INVS: variants seen among roughly 807,000 people sequenced by gnomAD.
INVS encodes inversion of embryo turning homolog.
Under a neutral mutation model 108.8 loss-of-function variants are expected in INVS, and 86 were observed. The observed-to-expected ratio is 0.79, with a 90% CI of 0.66 to 0.95. The LOEUF (loss-of-function observed/expected upper bound fraction) is 0.95, where lower values mean the gene tolerates loss of function less well. INVS is among the 40% of genes least tolerant of loss of function. The pLI is 0.00. For synonymous variants in INVS, 455 were observed against 473.5 expected, an observed-to-expected ratio of 0.96 and a Z score of 0.51; for missense variants, 1,169 against 1,297.4, an observed-to-expected ratio of 0.90 and a Z score of 1.52.
intron 3 of INVS, among the ~76,000 whole-genome samples, chr9:100,161,373 A>AC (rs1829175995): frequency 6.8e-6 from 1 of 146,162 alleles, no homozygotes; most frequent in African/African-American, 2.7e-5. Context: ...TCAAAAAAAA[A>AC]AAAAAAAAAA....
chr9:100,258,229 C>G (rs949185299), intron 10 of INVS, among the ~76,000 whole-genome samples: 3 of 152,104 alleles, frequency 2.0e-5, no homozygotes, highest in Non-Finnish European at 2.9e-5. Context: ...TCATGTAGTT[C>G]TTGTGCCATG....
At chr9:100,208,835 G>A (rs1481976286) in intron 3 of INVS, among the ~76,000 whole-genome samples, 2 of 152,174 alleles carry the variant, frequency 1.3e-5, no homozygotes, top group African/African-American at 4.8e-5. Flanking sequence ...AACATTAGGA[G>A]CAAATGAAAG....
chr9:100,137,904 A>G (rs181137508), intron 3 of INVS, among the ~76,000 whole-genome samples: 2 of 152,352 alleles, frequency 1.3e-5, no homozygotes, highest in East Asian at 3.9e-4. Context: ...GAACCAACAA[A>G]TACTAAATTT....
intron 7 of INVS, among the ~76,000 whole-genome samples, chr9:100,244,343 A>G (rs915563186): frequency 1.3e-5 from 2 of 152,164 alleles, no homozygotes; most frequent in African/African-American, 4.8e-5. Flanking sequence ...CTCAACCCAT[A>G]AATCAACACA....
At chr9:100,168,046 C>CT (rs1326628552) in intron 3 of INVS, among the ~76,000 whole-genome samples, 4 of 151,306 alleles carry the variant, frequency 2.6e-5, no homozygotes, top group African/African-American at 4.9e-5. Context: ...TCTTTTCTTT[C>CT]TTTTTTTTTC....
At chr9:100,227,282 G>A (rs2118412068) in intron 4 of INVS, among the ~76,000 whole-genome samples, 1 of 152,248 alleles carries the variant, frequency 6.6e-6, no homozygotes, top group Non-Finnish European at 1.5e-5. Flanking sequence ...AATAGTGAGT[G>A]TTCATATTAA....
chr9:100,108,020 G>A (rs935519565), intron 2 of INVS, among the ~76,000 whole-genome samples: 3 of 151,762 alleles, frequency 2.0e-5, no homozygotes, highest in Middle Eastern at 6.8e-3. Context: ...GAGCAGATTG[G>A]GACTAAATTC....
chr9:100,150,583 A>T (rs772297425), intron 3 of INVS, among the ~76,000 whole-genome samples: 1 of 152,196 alleles, frequency 6.6e-6, no homozygotes, highest in Non-Finnish European at 1.5e-5. Flanking sequence ...TTAATTTTGT[A>T]TATAACATCA....
At chr9:100,141,518 A>G (rs1017363740) in intron 3 of INVS, among the ~76,000 whole-genome samples, 2 of 152,160 alleles carry the variant, frequency 1.3e-5, no homozygotes, top group African/African-American at 4.8e-5. Flanking sequence ...AAACCGAGGA[A>G]TTATGTCTAA....
chr9:100,297,813 T>C (rs747306448), intron 15 of INVS, 123 bp from the exon 16 acceptor site: 3 of 957,792 alleles, frequency 3.1e-6, no homozygotes, highest in East Asian at 2.4e-5. Flanking sequence ...TTCCACACCA[T>C]ACCTAACTTA....
At chr9:100,166,618 C>T (rs1829373059) in intron 3 of INVS, among the ~76,000 whole-genome samples, 1 of 152,188 alleles carries the variant, frequency 6.6e-6, no homozygotes, top group African/African-American at 2.4e-5. Context: ...ACACACTGAG[C>T]ACCTATTAAT....
intron 3 of INVS, among the ~76,000 whole-genome samples, chr9:100,148,770 C>T (rs372806371): frequency 2.6e-5 from 4 of 152,130 alleles, no homozygotes; most frequent in African/African-American, 4.8e-5. Context: ...TATATATTCT[C>T]GACCTCTACT....
intron 10 of INVS, among the ~76,000 whole-genome samples, chr9:100,256,178 C>T (rs1832413741): frequency 6.6e-6 from 1 of 152,166 alleles, no homozygotes. Context: ...TCCATTTCTT[C>T]TAGATTTTCT....
At chr9:100,223,859 A>C (rs1245399329) in intron 3 of INVS, among the ~76,000 whole-genome samples, 1 of 152,118 alleles carries the variant, frequency 6.6e-6, no homozygotes, top group South Asian at 2.1e-4. Flanking sequence ...AGTCAATCCT[A>C]TCTCTGCCCC....
intron 3 of INVS, among the ~76,000 whole-genome samples, chr9:100,180,806 A>G (rs149312857): frequency 8.3e-4 from 126 of 152,070 alleles, no homozygotes; most frequent in African/African-American, 2.8e-3. Context: ...TGACACCAAA[A>G]CCTGGCAGAG....
intron 10 of INVS, among the ~76,000 whole-genome samples, chr9:100,253,623 T>G (rs1832315843): frequency 6.6e-6 from 1 of 152,144 alleles, no homozygotes; most frequent in South Asian, 2.1e-4. Flanking sequence ...GTCCAAGTGT[T>G]CTCATTGTTC....
intron 2 of INVS, among the ~76,000 whole-genome samples, chr9:100,115,944 C>T (rs1303595631): frequency 6.6e-6 from 1 of 152,144 alleles, no homozygotes; most frequent in South Asian, 2.1e-4. Flanking sequence ...TCTCCACATC[C>T]TCTCCAGCAC....
At chr9:100,100,688 TATTA>T (rs1481791306) in intron 1 of INVS, among the ~76,000 whole-genome samples, 3 of 33,092 alleles carry the variant, frequency 9.1e-5, no homozygotes, top group African/African-American at 2.4e-4. Context: ...ATAATATATA[TATTA>T]TATATGTACA....
intron 7 of INVS, among the ~76,000 whole-genome samples, chr9:100,243,878 G>A (rs531524289): frequency 1.3e-4 from 20 of 152,152 alleles, no homozygotes; most frequent in African/African-American, 4.6e-4. Context: ...GGGCGAAGTG[G>A]CTGGCGCCTG....
Sources: gnomAD v4.1 joint callset for allele counts (sites outside exome capture counted in the v4.1 genomes callset) on GRCh38, gnomAD v4.1.1 for gene constraint, MANE v1.5 for transcripts, NCBI Gene and HGNC (gene_info 2026-07-23, HGNC 2026-07-21) for gene names.